The following FBLN2 variants were observed in gnomAD, a reference collection of about 807,000 sequenced individuals.
FBLN2 encodes fibulin 2.
FBLN2 carries 81 observed loss-of-function variants against 123.7 expected under a neutral mutation model. The ratio of observed to expected loss-of-function variants is 0.65; its 90% CI spans 0.55 to 0.79. The LOEUF (loss-of-function observed/expected upper bound fraction) is 0.79, where lower values mean the gene tolerates loss of function less well. FBLN2 is among the 30% of genes least tolerant of loss of function. FBLN2 has a pLI of 0.00. For missense variants in FBLN2, 1,603 were observed against 1,681.3 expected (o/e 0.95, Z 0.81); for synonymous variants, 699 against 701.4 (o/e 1.00, Z 0.05).
chr3:13,613,540 A>T (rs764157388), intron 4 of FBLN2, among the ~76,000 whole-genome samples: 3 of 152,172 alleles, frequency 2.0e-5, no homozygotes, highest in Non-Finnish European at 2.9e-5. Flanking sequence ...CAGCCATCAC[A>T]TATGTGCTCC....
intron 6 of FBLN2, 107 bp downstream of exon 6, chr3:13,618,392 C>T (rs1705711045): frequency 9.6e-7 from 1 of 1,038,820 alleles, no homozygotes; most frequent in Non-Finnish European, 1.4e-6. Context: ...TCCTGTTACC[C>T]CACAAGTTGG....
intron 2 of FBLN2, among the ~76,000 whole-genome samples, chr3:13,583,617 A>G (rs191133577): frequency 1.9e-3 from 291 of 152,186 alleles, no homozygotes; most frequent in African/African-American, 6.6e-3. Context: ...CCCTGCCCCA[A>G]CCCCTCAGGC....
At chr3:13,596,117 A>AG (rs1704833350) in intron 2 of FBLN2, among the ~76,000 whole-genome samples, 3 of 152,326 alleles carry the variant, frequency 2.0e-5, no homozygotes, top group East Asian at 3.9e-4. Context: ...TAACAGCTGC[A>AG]TACGATTAGA....
At chr3:13,568,677 C>G in intron 1 of FBLN2, 1 of 751,542 alleles carries the variant, frequency 1.3e-6, no homozygotes, top group Non-Finnish European at 1.6e-6. Context: ...CAGAGAAGCC[C>G]TCCTCTTCCG....
At chr3:13,600,637 C>T (rs1334871088) in intron 2 of FBLN2, among the ~76,000 whole-genome samples, 6 of 137,282 alleles carry the variant, frequency 4.4e-5, no homozygotes, top group East Asian at 2.1e-4. Flanking sequence ...TTTTTTGAGA[C>T]GGAGTCTTGC....
intron 5 of FBLN2, among the ~76,000 whole-genome samples, chr3:13,617,172 A>ATCCATCCG (rs1427405271): frequency 1.4e-5 from 2 of 141,514 alleles, no homozygotes; most frequent in Admixed American, 6.8e-5. Flanking sequence ...CCATCCATCC[A>ATCCATCCG]TCCATCTATC....
At chr3:13,614,274 C>T in intron 5 of FBLN2, 110 bp downstream of exon 5, 2 of 1,064,010 alleles carry the variant, frequency 1.9e-6, no homozygotes, top group Non-Finnish European at 2.7e-6. Context: ...GACACAAGTT[C>T]TGCTCTAAAC....
chr3:13,564,874 G>A (rs1345957020), intron 1 of FBLN2, among the ~76,000 whole-genome samples: 1 of 152,240 alleles, frequency 6.6e-6, no homozygotes, highest in Non-Finnish European at 1.5e-5. Flanking sequence ...TAGGATGCGT[G>A]TTTGTTTTTG....
chr3:13,615,542 G>T (rs916875094), intron 5 of FBLN2, among the ~76,000 whole-genome samples: 2 of 152,246 alleles, frequency 1.3e-5, no homozygotes, highest in African/African-American at 4.8e-5. Flanking sequence ...TCACACAGAA[G>T]GAAGGCTCCT....
rs897996761 is a variant in FBLN2, at chr3:13,637,971, C to T, written c.*52C>T. 12 of 1,448,228 alleles carry T rather than the reference C, an allele frequency of 8.3e-6. No homozygotes were observed. The East Asian group carries it at 2.1e-4, about 25-fold the overall frequency. The allele number at this position is 1,448,228 out of a possible 1,614,324, so 89.7% of individuals were successfully genotyped here. On this transcript the variant is annotated 3_prime_UTR_variant, in exon 18 of 18. Coordinates refer to ENST00000404922, the MANE Select transcript of FBLN2 (RefSeq NM_001004019.2). ...GTGGCGCAGCCCAGGGCTCACACTGCGTGGGAGGGACTGGGTCACTATTGT... is the reference window on the plus strand; with the variant it reads ...GTGGCGCAGCCCAGGGCTCACACTGTGTGGGAGGGACTGGGTCACTATTGT...
At chr3:13,577,354 C>T (rs72624448) in intron 2 of FBLN2, among the ~76,000 whole-genome samples, 4 of 151,902 alleles carry the variant, frequency 2.6e-5, no homozygotes, top group Middle Eastern at 6.8e-3. Context: ...GAGGGAGCGG[C>T]GAGTGCAAAG....
intron 4 of FBLN2, among the ~76,000 whole-genome samples, chr3:13,611,828 T>C (rs957478033): frequency 8.5e-5 from 13 of 152,208 alleles, no homozygotes; most frequent in Non-Finnish European, 1.8e-4. Flanking sequence ...CCTGGCTACA[T>C]CTAGCTGCAA....
rs1450032053 is a variant in FBLN2 at position 13,582,377 on chromosome 3, T to C, written c.1306+10716T>C. ...GCTGCGAGTTTCCCTGCGGGCAATG[T>C]CGGCATCCTCTACCTGCCAGCACCT... On this transcript the variant is annotated intron_variant, in intron 2 of 17. Coordinates refer to ENST00000404922, the MANE Select transcript of FBLN2 (RefSeq NM_001004019.2). Among the ~76,000 whole-genome samples the C allele has an allele frequency of 2.0e-5, 3 of 152,204 alleles. No individual in the cohort carries two copies. In the East Asian group the frequency reaches 5.8e-4, roughly 29 times the overall value.
chr3:13,632,184 G>A (rs896585852), intron 16 of FBLN2, among the ~76,000 whole-genome samples: 15 of 152,236 alleles, frequency 9.9e-5, no homozygotes, highest in African/African-American at 3.6e-4. Flanking sequence ...CCAGGGCAAG[G>A]TGAGGGGCCA....
At chr3:13,636,216 C>T (rs946484633) in intron 16 of FBLN2, among the ~76,000 whole-genome samples, 2 of 152,178 alleles carry the variant, frequency 1.3e-5, no homozygotes, top group Non-Finnish European at 2.9e-5. Flanking sequence ...TATTCTGGAG[C>T]GCGAGAAGCC....
chr3:13,606,093 A>G (rs6793601), intron 2 of FBLN2, among the ~76,000 whole-genome samples: 2 of 151,702 alleles, frequency 1.3e-5, no homozygotes, highest in Non-Finnish European at 2.9e-5. Flanking sequence ...GGAGTTGGAG[A>G]TTCGCCATGT....
intron 1 of FBLN2, among the ~76,000 whole-genome samples, chr3:13,552,367 G>A (rs1703346580): frequency 2.6e-5 from 4 of 152,160 alleles, no homozygotes; most frequent in Admixed American, 2.6e-4. Flanking sequence ...AGTGGAGTGA[G>A]TGAAAGGGGA....
chr3:13,596,589 T>C (rs561173279), intron 2 of FBLN2, among the ~76,000 whole-genome samples: 2 of 152,288 alleles, frequency 1.3e-5, no homozygotes, highest in African/African-American at 4.8e-5. Context: ...TTTTCCATTT[T>C]TAGTTGTGCT....
At chr3:13,571,786 GC>G in intron 2 of FBLN2, 125 bp downstream of exon 2, 1 of 859,136 alleles carries the variant, frequency 1.2e-6, no homozygotes, top group Non-Finnish European at 1.6e-6. Flanking sequence ...GCCTAGGGTG[GC>G]CACCCCAGGC....
Sources: gnomAD v4.1 joint callset for allele counts (sites outside exome capture counted in the v4.1 genomes callset) on GRCh38, gnomAD v4.1.1 for gene constraint, MANE v1.5 for transcripts, NCBI Gene and HGNC (gene_info 2026-07-23, HGNC 2026-07-21) for gene names.